DDX20: variants seen among roughly 807,000 people sequenced by gnomAD.
The protein encoded by DDX20 is probable ATP-dependent RNA helicase DDX20.
Under a neutral mutation model 76.4 loss-of-function variants are expected in DDX20, and 61 were observed. The observed-to-expected ratio is 0.80, with a 90% CI of 0.65 to 0.99. The LOEUF (loss-of-function observed/expected upper bound fraction) is 0.99, where lower values mean the gene tolerates loss of function less well. Among genes scored for constraint, DDX20 ranks in the 50% least tolerant of loss-of-function variants. The pLI is 0.00. For synonymous variants in DDX20, 357 were observed against 357.4 expected (o/e 1.00, Z 0.01); for missense variants, 976 against 996.8 (o/e 0.98, Z 0.28).
Position 111,759,431 on chromosome 1 carries a change from C to G in DDX20, c.428C>G (p.Ala143Gly), listed in dbSNP as rs1435659511. Residue 143 changes from alanine (A) to glycine (G), a missense_variant, in exon 3 of 11, where the codon GCT becomes GGT. By Grantham distance (60) the Ala-to-Gly change is moderately conservative. This residue lies in a region of DDX20 where 343 missense variants were observed against 286.4 expected (regional missense o/e 1.20). Coordinates refer to ENST00000369702, the MANE Select transcript of DDX20 (RefSeq NM_007204.5). ...ATCTTGGCTCCTACAAGAGAAATTG[C>G]TGTACAGATACATTCTGTTATTACA... ...ILILAPTREI[A>G]VQIHSVITAI... 12 of 1,608,890 alleles carry G rather than the reference C, an allele frequency of 7.5e-6. No homozygotes were observed. The highest frequency in any genetic ancestry group is 1.0e-5 in the Non-Finnish European group (12 of 1,178,278).
In DDX20 at chr1:111,767,573, C is replaced by T. The variant is rs1438522102; in HGVS notation, c.*674C>T. 3 of 151,644 alleles carry T rather than the reference C, an allele frequency of 2.0e-5. No individual in the cohort carries two copies. Among genetic ancestry groups the T allele is most frequent in the South Asian group, 2.1e-4 (1 of 4,820 alleles). 9.4% of individuals were successfully genotyped at this position (151,644 alleles called of 1,614,324 possible). On this transcript the variant is annotated 3_prime_UTR_variant, in exon 11 of 11. Transcript: ENST00000369702. ...TGCTGTGTATTAAATAGCTGTGGGT[C>T]ATCAGTTGCTGTCTTACTTGTGTTG...
intron 2 of DDX20, among the ~76,000 whole-genome samples, chr1:111,758,200 CATT>C (rs1663603868): frequency 1.3e-5 from 2 of 152,068 alleles, no homozygotes; most frequent in Non-Finnish European, 2.9e-5. Flanking sequence ...ATGAAAATTA[CATT>C]ATTCTCTGTG....
At chr1:111,763,909 G>A (rs985387480) in intron 10 of DDX20, among the ~76,000 whole-genome samples, 1 of 152,122 alleles carries the variant, frequency 6.6e-6, no homozygotes, top group Non-Finnish European at 1.5e-5. Flanking sequence ...ACCCTTGAGT[G>A]GAAATATGGC....
At chr1:111,760,345 T>G in intron 3 of DDX20, 129 bp from the exon 4 acceptor site, 1 of 652,264 alleles carries the variant, frequency 1.5e-6, no homozygotes. Flanking sequence ...AGTGTGTACA[T>G]GCATAATGAG....
intron 2 of DDX20, among the ~76,000 whole-genome samples, chr1:111,758,065 C>T (rs1270826762): frequency 6.6e-6 from 1 of 152,090 alleles, no homozygotes; most frequent in African/African-American, 2.4e-5. Flanking sequence ...GCCATGTCGG[C>T]CAGGCTGGTC....
chr1:111,763,991 A>G (rs1046648804), intron 10 of DDX20, among the ~76,000 whole-genome samples: 3 of 152,334 alleles, frequency 2.0e-5, no homozygotes, highest in South Asian at 2.1e-4. Flanking sequence ...ATGTATGTCT[A>G]TATAGAAAAA....
In DDX20 at chr1:111,762,325, T is replaced by TTCC; in HGVS notation, c.1093_1095dup (p.Ser365dup). Reference sequence around the variant, plus strand: ...AGCACTTTCATTGCAGAGTCCTCATTTCCACAGATTTGGTAAATTTCCTAT... The same window carrying TTCC: ...AGCACTTTCATTGCAGAGTCCTCATTTCCTCCACAGATTTGGTAAATTTCCTAT... On this transcript the variant is annotated inframe_insertion, in exon 8 of 11. Transcript: ENST00000369702. The TTCC allele has an allele frequency of 5.6e-6, 9 of 1,613,194 alleles. No individual in the cohort carries two copies. The highest frequency in any genetic ancestry group is 7.6e-6 in the Non-Finnish European group (9 of 1,179,642).
intron 10 of DDX20, among the ~76,000 whole-genome samples, chr1:111,764,274 T>G (rs1006638781): frequency 1.6e-4 from 23 of 146,492 alleles, no homozygotes; most frequent in African/African-American, 6.1e-4. Flanking sequence ...AGTGCGAGAC[T>G]CAGTCTCAAA....
chr1:111,756,268 G>GGGGGGCC, intron 1 of DDX20, 43 bp downstream of exon 1: 1 of 739,120 alleles, frequency 1.4e-6, no homozygotes, highest in Non-Finnish European at 2.0e-6. Flanking sequence ...TGGGGTGGGA[G>GGGGGGCC]AAGGGGGACC....
At chr1:111,756,397 C>T (rs993875805) in intron 1 of DDX20, among the ~76,000 whole-genome samples, 172 bp downstream of exon 1, 2 of 152,208 alleles carry the variant, frequency 1.3e-5, no homozygotes, top group Non-Finnish European at 2.9e-5. Flanking sequence ...GTAAAACTAA[C>T]GTGCACTATT....
Position 111,766,019 on chromosome 1 carries a change from C to T in DDX20, c.1595C>T (p.Ser532Leu), listed in dbSNP as rs762247721. Residue 532 changes from serine (S) to leucine (L), a missense_variant, in exon 11 of 11, where the codon TCA becomes TTA. Ser to Leu is a moderately radical substitution (Grantham distance 145). Coordinates refer to ENST00000369702, the MANE Select transcript of DDX20 (RefSeq NM_007204.5). ...SECGIIEKATSPKELGCDRQS... is the reference protein window; with the variant it reads ...SECGIIEKATLPKELGCDRQS... ...TGTGGAATCATAGAAAAAGCAACGT[C>T]ACCAAAAGAACTGGGCTGTGACAGG... The T allele has an allele frequency of 6.8e-6, 11 of 1,614,038 alleles. No homozygotes were observed. In the South Asian group the frequency reaches 1.1e-4, roughly 16 times the overall value.
At position 111,766,240 on chromosome 1, in the gene DDX20, T is replaced by C. The variant is rs1420843053; in HGVS notation, c.1816T>C (p.Leu606=). Residue 606 remains leucine, a synonymous_variant, in exon 11 of 11, where the codon TTA becomes CTA. Transcript: ENST00000369702. The part of the protein sequence containing the change: ...EDYEHYIKEG[L]EKPVEIIRHY... ...TTATGAACATTATATTAAAGAGGGG[T>C]TAGAGAAACCTGTGGAAATCATCAG... is the stretch of plus-strand genomic sequence containing the variant. 2 of 1,613,918 alleles carry C rather than the reference T, an allele frequency of 1.2e-6. No homozygotes were observed. Among genetic ancestry groups the C allele is most frequent in the Non-Finnish European group, 1.7e-6 (2 of 1,180,010 alleles).
intron 10 of DDX20, among the ~76,000 whole-genome samples, chr1:111,765,534 G>A (rs1475709120): frequency 1.3e-5 from 2 of 151,966 alleles, no homozygotes; most frequent in Non-Finnish European, 2.9e-5. Context: ...GTATGGGATG[G>A]GTCTTACATA....
At position 111,760,540 on chromosome 1, in the gene DDX20, A is replaced by G. The variant is rs1206679020; in HGVS notation, c.632A>G (p.Asp211Gly). ...GGCAGTATACGCCTCTTTATTCTTG[A>G]TGAAGCAGATAAGCTTTTAGAAGAA... ...NPGSIRLFIL[D>G]EADKLLEEGS... The change falls in exon 4 of 11, where the codon GAT (aspartate) becomes GGT (glycine). Residue 211 changes from aspartate (D) to glycine (G), a missense_variant. Transcript: ENST00000369702. 1 of 1,613,466 alleles carries G rather than the reference A, an allele frequency of 6.2e-7. No homozygotes were observed. Among genetic ancestry groups the G allele is most frequent in the Non-Finnish European group, 8.5e-7 (1 of 1,179,878 alleles).
At chr1:111,758,765 A>G (rs1663615592) in intron 2 of DDX20, among the ~76,000 whole-genome samples, 1 of 152,022 alleles carries the variant, frequency 6.6e-6, no homozygotes, top group African/African-American at 2.4e-5. Flanking sequence ...GATACTTTTT[A>G]TTACCTGTCA....
Position 111,762,266 on chromosome 1 carries a change from CAG to C in DDX20, c.1035_1036del (p.Asn346SerfsTer4), listed in dbSNP as rs1663689489. 1 of 1,612,438 alleles carries C rather than the reference CAG, an allele frequency of 6.2e-7. No homozygotes were observed. The highest frequency in any genetic ancestry group is 8.5e-7 in the Non-Finnish European group (1 of 1,179,406). On this transcript the variant is annotated frameshift_variant, in exon 8 of 11. Coordinates refer to ENST00000369702, the MANE Select transcript of DDX20 (RefSeq NM_007204.5). LOFTEE classifies it high-confidence loss of function. ...PAECISGNMN[Q>X]NQRLDAMAKL... ...TGGGGTCCTTTTAGGCAATATGAAT[CAG>C]AATCAGCGTCTTGATGCTATGGCTA...
intron 1 of DDX20, 41 bp downstream of exon 1, chr1:111,756,266 G>GGT: frequency 1.2e-6 from 1 of 842,528 alleles, no homozygotes; most frequent in Non-Finnish European, 1.7e-6. Flanking sequence ...GGTGGGGTGG[G>GGT]AGAAGGGGGA....
intron 2 of DDX20, 48 bp from the exon 3 acceptor site, chr1:111,759,352 T>C (rs1383864587): frequency 1.4e-6 from 2 of 1,396,424 alleles, no homozygotes; most frequent in Non-Finnish European, 2.0e-6. Context: ...CAGTCCCCTA[T>C]GTATTTATTC....
rs1663533892 is a variant in DDX20, at chr1:111,755,936, A to G, written c.12A>G (p.Ala4=). Residue 4 remains alanine, a synonymous_variant, in exon 1 of 11, where the codon GCA becomes GCG. Coordinates refer to ENST00000369702, the MANE Select transcript of DDX20 (RefSeq NM_007204.5). The part of the protein sequence containing the change: MAA[A]FEASGALAAV... ...ACGGCGCGGCTACCATGGCGGCGGC[A>G]TTTGAAGCCTCGGGAGCCTTAGCAG... is the stretch of plus-strand genomic sequence containing the variant. 1.3e-6 allele frequency: 2 copies of G among 1,576,596 alleles called. No homozygotes were observed. The highest frequency in any genetic ancestry group is 1.4e-5 in the African/African-American group (1 of 73,846).
Sources: allele counts gnomAD v4.1 joint callset (sites outside exome capture counted in the v4.1 genomes callset), GRCh38; gene constraint gnomAD v4.1.1; regional missense constraint gnomAD v4.1.1; transcripts MANE v1.5; gene names NCBI Gene and HGNC (gene_info 2026-07-23, HGNC 2026-07-21).